The following GRID1 variants were observed in gnomAD, a reference collection of about 807,000 sequenced individuals.
GRID1 encodes the protein glutamate ionotropic receptor delta type subunit 1.
GRID1 carries 28 observed loss-of-function variants against 98.0 expected under a neutral mutation model. That is an observed-to-expected ratio of 0.29 (90% CI 0.21 to 0.39). GRID1 has a LOEUF of 0.39. Among genes scored for constraint, GRID1 ranks in the 10% least tolerant of loss-of-function variants. The probability of loss-of-function intolerance (pLI) is 1.00; values close to 1 mark genes in which losing one functional copy is unlikely to be tolerated. For missense variants in GRID1, 1,111 were observed against 1,340.5 expected (o/e 0.83, Z 2.67); for synonymous variants, 553 against 538.5 (o/e 1.03, Z -0.37).
chr10:86,218,169 T>C (rs1465993389), intron 2 of GRID1, among the ~76,000 whole-genome samples: 1 of 152,044 alleles, frequency 6.6e-6, no homozygotes, highest in African/African-American at 2.4e-5. Context: ...TGTGTGTGCT[T>C]GTGCGCGTGT....
intron 8 of GRID1, among the ~76,000 whole-genome samples, chr10:85,758,144 G>A (rs1842116214): frequency 6.6e-6 from 1 of 152,234 alleles, no homozygotes; most frequent in East Asian, 1.9e-4. Flanking sequence ...TTTGAGGAAA[G>A]TTTTATGGCC....
intron 8 of GRID1, among the ~76,000 whole-genome samples, chr10:85,825,587 G>A (rs1842812269): frequency 6.6e-6 from 1 of 152,028 alleles, no homozygotes; most frequent in Non-Finnish European, 1.5e-5. Flanking sequence ...GTGTGGAAAA[G>A]GTAAAAGAAT....
chr10:86,198,261 T>C (rs1018759377), intron 3 of GRID1, among the ~76,000 whole-genome samples: 2 of 152,100 alleles, frequency 1.3e-5, no homozygotes, highest in Non-Finnish European at 2.9e-5. Context: ...CAAGGAGACC[T>C]TGGGGAAGCC....
intron 2 of GRID1, among the ~76,000 whole-genome samples, chr10:86,232,775 TA>T (rs1840124354): frequency 6.6e-6 from 1 of 152,180 alleles, no homozygotes; most frequent in Non-Finnish European, 1.5e-5. Context: ...AGTCTATAAA[TA>T]TTTTTTTTTA....
At chr10:86,090,253 A>G (rs1448656778) in intron 4 of GRID1, among the ~76,000 whole-genome samples, 2 of 150,102 alleles carry the variant, frequency 1.3e-5, no homozygotes, top group Non-Finnish European at 3.0e-5. Context: ...TCCCATCTCT[A>G]CTAAAAATGC....
At chr10:86,013,814 A>G (rs909229293) in intron 4 of GRID1, among the ~76,000 whole-genome samples, 2 of 152,252 alleles carry the variant, frequency 1.3e-5, no homozygotes, top group Non-Finnish European at 2.9e-5. Flanking sequence ...TGCCTTGATA[A>G]GATACGTGTA....
chr10:85,927,474 A>G (rs10788469), intron 4 of GRID1, among the ~76,000 whole-genome samples: 86,803 of 150,904 alleles, frequency 0.58, 25,556 homozygotes, highest in African/African-American at 0.71. Context: ...TGTGTTCCAC[A>G]GGATGTGAGG....
At chr10:85,869,529 C>A (rs1843256058) in intron 5 of GRID1, among the ~76,000 whole-genome samples, 1 of 152,216 alleles carries the variant, frequency 6.6e-6, no homozygotes, top group Non-Finnish European at 1.5e-5. Context: ...TTGGGAGTCA[C>A]CTACCTGATT....
rs1843210033 is a variant in GRID1, at chr10:85,647,408, G to A, written c.1998-11C>T. On this transcript the variant is annotated splice_polypyrimidine_tract_variant and intron_variant, in intron 12 of 15. Coordinates refer to ENST00000327946, the MANE Select transcript of GRID1 (RefSeq NM_017551.3). ...AGGTCCTGGAAAGTCCTGAAATGCA[G>A]AAAGGCAGCGAGGCATGAGTACATG... is the stretch of plus-strand genomic sequence containing the variant. The A allele has an allele frequency of 1.2e-6, 2 of 1,608,478 alleles. No individual in the cohort carries two copies. Among genetic ancestry groups the A allele is most frequent in the Admixed American group, 1.7e-5 (1 of 59,984 alleles).
intron 2 of GRID1, among the ~76,000 whole-genome samples, chr10:86,274,066 A>G (rs1847229113): frequency 6.6e-6 from 1 of 152,142 alleles, no homozygotes; most frequent in Non-Finnish European, 1.5e-5. Flanking sequence ...TAAGTATTTA[A>G]TCCATCTTGA....
Position 85,876,779 on chromosome 10 carries a change from C to T in GRID1, c.781-7599G>A, listed in dbSNP as rs113228625. ...GTGCAGGACAGTGGATGCAGCGCACCGTGTGCCAGCCGAAGGAGGGCGAGG... is the reference window on the plus strand; with the variant it reads ...GTGCAGGACAGTGGATGCAGCGCACTGTGTGCCAGCCGAAGGAGGGCGAGG... On this transcript the variant is annotated intron_variant, in intron 5 of 15. Coordinates refer to ENST00000327946, the MANE Select transcript of GRID1 (RefSeq NM_017551.3). 2.5e-4 allele frequency among the ~76,000 whole-genome samples: 38 copies of T among 152,276 alleles called. 2 individuals are homozygous for T. Among genetic ancestry groups the T allele is most frequent in the African/African-American group, 7.7e-4 (32 of 41,552 alleles).
At chr10:86,014,983 T>G (rs1842963166) in intron 4 of GRID1, among the ~76,000 whole-genome samples, 1 of 152,230 alleles carries the variant, frequency 6.6e-6, no homozygotes, top group South Asian at 2.1e-4. Flanking sequence ...TCACCTTTTA[T>G]AAAGTTTTCG....
At position 86,077,183 on chromosome 10, in the gene GRID1, G is replaced by A. The variant is rs1417004938; in HGVS notation, c.726+61636C>T. Reference sequence around the variant, plus strand: ...TCTCCTCCCAGGCCTCTCACTGTGGGGTGTCATGCTTAGTGAAGCTTGCTC... The same window carrying A: ...TCTCCTCCCAGGCCTCTCACTGTGGAGTGTCATGCTTAGTGAAGCTTGCTC... On this transcript the variant is annotated intron_variant, in intron 4 of 15. Coordinates refer to ENST00000327946, the MANE Select transcript of GRID1 (RefSeq NM_017551.3). Among the ~76,000 whole-genome samples the A allele has an allele frequency of 1.5e-5, 2 of 135,968 alleles. 1 individual carries two copies. The highest frequency in any genetic ancestry group is 5.5e-5 in the African/African-American group (2 of 36,432). The allele number at this position is 135,968 out of a possible 152,430, so 89.2% of individuals were successfully genotyped here.
chr10:86,156,433 G>T (rs958078489), intron 3 of GRID1, among the ~76,000 whole-genome samples: 1 of 152,148 alleles, frequency 6.6e-6, no homozygotes, highest in Non-Finnish European at 1.5e-5. Context: ...GAGGGATGGC[G>T]CTCTAGACAA....
In GRID1 at chr10:85,867,743, G is replaced by A. The variant is rs546051756; in HGVS notation, c.951+1267C>T. Among the ~76,000 whole-genome samples the A allele has an allele frequency of 3.0e-4, 45 of 152,252 alleles. 2 individuals carry two copies. Among genetic ancestry groups the A allele is most frequent in the South Asian group, 1.0e-3 (5 of 4,826 alleles). ...CCACTCTCTTGGCCACCCCTCCACC[G>A]CCTTAGAAAGACCCCAGACACTCTG... On this transcript the variant is annotated intron_variant, in intron 6 of 15. Coordinates refer to ENST00000327946, the MANE Select transcript of GRID1 (RefSeq NM_017551.3).
intron 4 of GRID1, among the ~76,000 whole-genome samples, chr10:86,089,503 C>T (rs1295116639): frequency 6.6e-6 from 1 of 152,098 alleles, no homozygotes; most frequent in Non-Finnish European, 1.5e-5. Flanking sequence ...AACGTAATTC[C>T]CCAGAATTTC....
At chr10:85,907,820 G>A (rs59401670) in intron 5 of GRID1, among the ~76,000 whole-genome samples, 3,313 of 152,080 alleles carry the variant, frequency 0.022, 128 homozygotes, top group African/African-American at 0.076. Flanking sequence ...TATATACAAA[G>A]GATAATATAA....
rs968213655 is a variant in GRID1, at chr10:86,366,447, G to C, written c.-55C>G. On this transcript the variant is annotated 5_prime_UTR_variant, in exon 1 of 16. Transcript: ENST00000327946. This position sits in a 1 kb window ranked among gnomAD's most constrained non-coding sequence, Gnocchi z 4.1. ...GGCCCGGGGCGAGGCCGAGGGCAGC[G>C]CGAAGCGGGGAGGCGCTGGTCCCGG... 1.3e-5 allele frequency: 17 copies of C among 1,308,280 alleles called. No homozygotes were observed. The highest frequency in any genetic ancestry group is 1.7e-5 in the Non-Finnish European group (17 of 974,332). The allele number at this position is 1,308,280 out of a possible 1,614,324, so 81.0% of individuals were successfully genotyped here. A position where few individuals can be genotyped will look rare whatever the true frequency, so the allele number is the denominator to read the frequency against.
chr10:86,331,965 A>G (rs2132103217), intron 2 of GRID1, among the ~76,000 whole-genome samples: 1 of 152,258 alleles, frequency 6.6e-6, no homozygotes, highest in East Asian at 1.9e-4. Flanking sequence ...CCTGTTGGAC[A>G]GGAATGACAC....
Sources: gnomAD v4.1 joint callset for allele counts (sites outside exome capture counted in the v4.1 genomes callset) on GRCh38, gnomAD v4.1.1 for gene constraint, Gnocchi (gnomAD v3.1) non-coding constraint, MANE v1.5 for transcripts, NCBI Gene and HGNC (gene_info 2026-07-23, HGNC 2026-07-21) for gene names.